The following PPM1A variants were observed in gnomAD, a reference collection of about 807,000 sequenced individuals.
PPM1A encodes the protein protein phosphatase 1A.
In PPM1A, 7 loss-of-function variants were observed where a neutral mutation model predicts 35.0. The ratio of observed to expected loss-of-function variants is 0.20; its 90% CI spans 0.11 to 0.38. The LOEUF is 0.38. Among genes scored for constraint, PPM1A ranks in the 10% least tolerant of loss-of-function variants. The probability of loss-of-function intolerance (pLI) is 1.00; values close to 1 mark genes in which losing one functional copy is unlikely to be tolerated. For synonymous variants in PPM1A, 153 were observed against 167.3 expected, an observed-to-expected ratio of 0.91 and a Z score of 0.66; for missense variants, 239 against 467.8, an observed-to-expected ratio of 0.51 and a Z score of 4.51.
intron 1 of PPM1A, among the ~76,000 whole-genome samples, chr14:60,263,075 G>A (rs765222310): frequency 1.3e-5 from 2 of 152,164 alleles, no homozygotes; most frequent in Non-Finnish European, 2.9e-5. Flanking sequence ...AAAATTAGCC[G>A]AACGTGGTGG....
chr14:60,283,156 T>C lies in PPM1A; in HGVS notation c.453T>C (p.Leu151=). The C allele has an allele frequency of 1.9e-6, 3 of 1,614,232 alleles. No individual in the cohort carries two copies. Among genetic ancestry groups the C allele is most frequent in the Non-Finnish European group, 2.5e-6 (3 of 1,180,042 alleles). The change falls in exon 2 of 6, where the codon CTT becomes CTC. Residue 151 remains leucine (L), a synonymous_variant. Coordinates refer to ENST00000395076, the MANE Select transcript of PPM1A (RefSeq NM_021003.5). The surrounding 1 kb of genome is among the most constrained non-coding windows in gnomAD (Gnocchi z 6.3). ...ACTGTGGAGACTCAAGAGGTTTACT[T>C]TGTAGGAACAGGAAAGTTCATTTCT... ...FINCGDSRGL[L]CRNRKVHFFT... is the part of the protein sequence containing the mutation.
At chr14:60,253,446 T>A (rs1288575900) in intron 1 of PPM1A, among the ~76,000 whole-genome samples, 1 of 152,124 alleles carries the variant, frequency 6.6e-6, no homozygotes, top group Non-Finnish European at 1.5e-5. Flanking sequence ...CAGGATCAGA[T>A]CTGGGTAGAT....
At chr14:60,257,325 G>A (rs1427288500) in intron 1 of PPM1A, among the ~76,000 whole-genome samples, 1 of 152,030 alleles carries the variant, frequency 6.6e-6, no homozygotes, top group African/African-American at 2.4e-5. Context: ...CTTAAAAACA[G>A]GTCTTGTTTC....
At chr14:60,288,902 G>C (rs143835574) in intron 3 of PPM1A, among the ~76,000 whole-genome samples, 1 of 152,066 alleles carries the variant, frequency 6.6e-6, no homozygotes, top group Admixed American at 6.5e-5. Context: ...TGCATGTGGA[G>C]TATGTGTGCT....
At chr14:60,252,736 A>G (rs1028691229) in intron 1 of PPM1A, among the ~76,000 whole-genome samples, 2 of 152,190 alleles carry the variant, frequency 1.3e-5, no homozygotes, top group Admixed American at 1.3e-4. Flanking sequence ...GTTAACCTAT[A>G]TCAAAATCAA....
upstream of PPM1A, chr14:60,245,911 G>A: frequency 6.3e-7 from 1 of 1,586,582 alleles, no homozygotes; most frequent in Non-Finnish European, 8.6e-7. This position sits in a 1 kb window ranked among gnomAD's most constrained non-coding sequence, Gnocchi z 4.2. Context: ...AATGAAAAGA[G>A]AGAAAAGAAG....
chr14:60,247,464 C>A (rs564556488), upstream of PPM1A, among the ~76,000 whole-genome samples: 90 of 151,564 alleles, frequency 5.9e-4, no homozygotes, highest in African/African-American at 2.1e-3. Flanking sequence ...CCTGTCTGAA[C>A]TAAAAATACA....
At chr14:60,267,638 C>G (rs1477098855) in intron 1 of PPM1A, among the ~76,000 whole-genome samples, 1 of 151,894 alleles carries the variant, frequency 6.6e-6, no homozygotes, top group African/African-American at 2.4e-5. Flanking sequence ...TTACATGTTT[C>G]CTTAGGGCTT....
At chr14:60,246,725 A>G (rs1336391984), upstream of PPM1A, among the ~76,000 whole-genome samples, 1 of 152,202 alleles carries the variant, frequency 6.6e-6, no homozygotes, top group South Asian at 2.1e-4. Context: ...GACAATATTG[A>G]TATCTTTTTA....
At chr14:60,265,090 C>T (rs1884215904) in intron 1 of PPM1A, among the ~76,000 whole-genome samples, 1 of 152,166 alleles carries the variant, frequency 6.6e-6, no homozygotes, top group African/African-American at 2.4e-5. Flanking sequence ...AGTGTTTTTA[C>T]ATGCACCTAC....
chr14:60,257,348 A>T (rs1354788913), intron 1 of PPM1A, among the ~76,000 whole-genome samples: 2 of 152,206 alleles, frequency 1.3e-5, no homozygotes, highest in Non-Finnish European at 2.9e-5. Context: ...TCATTTAAAG[A>T]GATTATCAAT....
At chr14:60,250,294 G>C (rs1468068777) in intron 1 of PPM1A, 2 of 321,724 alleles carry the variant, frequency 6.2e-6, no homozygotes, top group Admixed American at 6.5e-5. Context: ...AGTAAATTCC[G>C]ATTTCTTATC....
upstream of PPM1A, chr14:60,246,023 G>C: frequency 6.3e-7 from 1 of 1,578,918 alleles, no homozygotes; most frequent in Middle Eastern, 1.7e-4. Flanking sequence ...AAGAGGATGT[G>C]TGAGAGAAAA....
Position 60,296,757 on chromosome 14 carries a change from TAAG to T in PPM1A, c.*4276_*4278del. On this transcript the variant is annotated 3_prime_UTR_variant, in exon 6 of 6. Coordinates refer to ENST00000395076, the MANE Select transcript of PPM1A (RefSeq NM_021003.5). This position sits in a 1 kb window ranked among gnomAD's most constrained non-coding sequence, Gnocchi z 4.4. ...TGTATTGTTTTGTTGATCAGAATAA[TAAG>T]TCTCAGTTAAATGTTTGTTATTACT... is the stretch of plus-strand genomic sequence containing the variant. 1 of 344,556 alleles carries T rather than the reference TAAG, an allele frequency of 2.9e-6. No individual in the cohort carries two copies. Among genetic ancestry groups the T allele is most frequent in the Non-Finnish European group, 5.3e-6 (1 of 187,436 alleles). The allele number at this position is 344,556 out of a possible 1,614,324, so 21.3% of individuals were successfully genotyped here.
chr14:60,284,707 G>GTA (rs9323362), intron 2 of PPM1A, among the ~76,000 whole-genome samples: 17,264 of 143,164 alleles, frequency 0.12, 1,864 homozygotes, highest in African/African-American at 0.3. Flanking sequence ...ATGTGTGTGT[G>GTA]TATATATATA....
intron 1 of PPM1A, among the ~76,000 whole-genome samples, chr14:60,256,307 G>A (rs1246869136): frequency 1.3e-5 from 2 of 152,128 alleles, no homozygotes; most frequent in African/African-American, 2.4e-5. Context: ...GTGGCCACCC[G>A]CCTGTAGTCC....
At chr14:60,253,616 A>G (rs2139327930) in intron 1 of PPM1A, among the ~76,000 whole-genome samples, 1 of 152,340 alleles carries the variant, frequency 6.6e-6, no homozygotes, top group Non-Finnish European at 1.5e-5. Flanking sequence ...AAGTCTTCCA[A>G]TGCAAGACTA....
intron 1 of PPM1A, among the ~76,000 whole-genome samples, chr14:60,260,578 C>G (rs543643873): frequency 9.2e-5 from 14 of 152,136 alleles, no homozygotes; most frequent in Admixed American, 3.3e-4. Context: ...GTTTACAGTT[C>G]AGTAGTCTTT....
rs909797626 is a variant in PPM1A at position 60,298,666 on chromosome 14, T to C, written c.*6184T>C. 2 of 151,802 alleles carry C rather than the reference T, an allele frequency of 1.3e-5. No homozygotes were observed. The highest frequency in any genetic ancestry group is 4.8e-5 in the African/African-American group (2 of 41,416). The allele number at this position is 151,802 out of a possible 1,614,324, so 9.4% of individuals were successfully genotyped here. ...TGATTGATTTCACTCTTGAAATGAGTTATATCACTTAATTTGTATAAATGT... is the reference window on the plus strand; with the variant it reads ...TGATTGATTTCACTCTTGAAATGAGCTATATCACTTAATTTGTATAAATGT... On this transcript the variant is annotated 3_prime_UTR_variant, in exon 6 of 6. Transcript: ENST00000395076.
Sources: allele counts gnomAD v4.1 joint callset (sites outside exome capture counted in the v4.1 genomes callset), GRCh38; gene constraint gnomAD v4.1.1; non-coding constraint Gnocchi (gnomAD v3.1); transcripts MANE v1.5; gene names NCBI Gene and HGNC (gene_info 2026-07-23, HGNC 2026-07-21).